Variants in NLGN1 observed in about 807,000 individuals in gnomAD.
NLGN1 encodes the protein neuroligin 1.
Under a neutral mutation model 65.5 loss-of-function variants are expected in NLGN1, and 12 were observed. The ratio of observed to expected loss-of-function variants is 0.18; its 90% confidence interval spans 0.12 to 0.30. The LOEUF (loss-of-function observed/expected upper bound fraction) is 0.30, where lower values mean the gene tolerates loss of function less well. Ranked by LOEUF, NLGN1 falls within the 10% of genes least tolerant of loss-of-function variation. The pLI is 1.00. For synonymous variants in NLGN1, 350 were observed against 359.5 expected (o/e 0.97, Z 0.30); for missense variants, 750 against 1,007.1 (o/e 0.74, Z 3.46).
rs529032263 is a variant in NLGN1 at position 173,420,589 on chromosome 3, T to C, written c.-389-14421T>C. On this transcript the variant is annotated intron_variant, in intron 1 of 6. Coordinates refer to ENST00000457714, the Ensembl canonical transcript of NLGN1. The stretch of plus-strand genomic sequence containing the variant: ...ATGATTTTATAATCCTCTGGGTATA[T>C]ACCCAGTAATGGGATGACTGGGTCA... Among the ~76,000 whole-genome samples, 6 of 152,300 alleles carry C rather than the reference T, an allele frequency of 3.9e-5. No individual in the cohort carries two copies. The East Asian group carries it at 9.7e-4, about 25-fold the overall frequency.
In NLGN1 at chr3:174,039,353, C is replaced by T. The variant is rs973240005; in HGVS notation, c.646+231521C>T. Reference sequence around the variant, plus strand: ...CATGTGTCATGGTGGTTTGCTGCACCTCTCAGTCCATCATCTAGGTTTTAA... The same window carrying T: ...CATGTGTCATGGTGGTTTGCTGCACTTCTCAGTCCATCATCTAGGTTTTAA... On this transcript the variant is annotated intron_variant, in intron 4 of 6. Transcript: ENST00000457714. Among the ~76,000 whole-genome samples the T allele has an allele frequency of 4.6e-5, 7 of 151,598 alleles. No individual in the cohort carries two copies. In the South Asian group the frequency reaches 1.3e-3, roughly 27 times the overall value.
At chr3:173,959,174 A>G (rs1308114178) in intron 4 of NLGN1, among the ~76,000 whole-genome samples, 1 of 152,150 alleles carries the variant, frequency 6.6e-6, no homozygotes, top group Non-Finnish European at 1.5e-5. Context: ...GAGCACAGGG[A>G]TGCCCGGGTC....
chr3:173,767,339 T>G (rs924676260), intron 3 of NLGN1, among the ~76,000 whole-genome samples: 3 of 152,080 alleles, frequency 2.0e-5, no homozygotes, highest in Non-Finnish European at 4.4e-5. Flanking sequence ...GTCTGACCTA[T>G]GTTAGGTAGA....
chr3:174,009,152 T>C (rs569844313), intron 4 of NLGN1, among the ~76,000 whole-genome samples: 1 of 152,256 alleles, frequency 6.6e-6, no homozygotes, highest in South Asian at 2.1e-4. Context: ...CCTCACATGG[T>C]TAAGAGAGAA....
rs375306674 is a variant in NLGN1, at chr3:173,970,301, GA to G, written c.646+162473del. ...ATATTTTGTGGTAAATGCAGTGAGA[GA>G]AAATGTACAGGGTGCGTTGTGAAAA... On this transcript the variant is annotated intron_variant, in intron 4 of 6. Coordinates refer to ENST00000457714, the Ensembl canonical transcript of NLGN1. Among the ~76,000 whole-genome samples, 107 of 152,264 alleles carry G rather than the reference GA, an allele frequency of 7.0e-4. 1 individual carries two copies. The East Asian group carries it at 0.018, about 25-fold the overall frequency.
chr3:174,016,721 A>G (rs1156495933), intron 4 of NLGN1, among the ~76,000 whole-genome samples: 1 of 152,158 alleles, frequency 6.6e-6, no homozygotes, highest in African/African-American at 2.4e-5. Context: ...TTCATTCTCT[A>G]TTTTTGTATT....
chr3:174,259,291 T>C (rs1353749194), intron 4 of NLGN1, among the ~76,000 whole-genome samples: 1 of 152,148 alleles, frequency 6.6e-6, no homozygotes, highest in African/African-American at 2.4e-5. Flanking sequence ...AGCATCCCTC[T>C]TTCCCACTCA....
At chr3:173,515,483 T>C (rs1733671110) in intron 2 of NLGN1, among the ~76,000 whole-genome samples, 1 of 152,184 alleles carries the variant, frequency 6.6e-6, no homozygotes, top group South Asian at 2.1e-4. Flanking sequence ...AGAAGATTTT[T>C]AGTTTGCTGT....
At chr3:174,231,112 A>C (rs1011858374) in intron 4 of NLGN1, among the ~76,000 whole-genome samples, 25 of 152,228 alleles carry the variant, frequency 1.6e-4, no homozygotes, top group African/African-American at 6.0e-4. Context: ...GGAGGTTAGA[A>C]GCAAGAGGGA....
At chr3:174,067,324 T>C (rs535876209) in intron 4 of NLGN1, among the ~76,000 whole-genome samples, 1 of 152,292 alleles carries the variant, frequency 6.6e-6, no homozygotes, top group African/African-American at 2.4e-5. Context: ...ATATTTTTGC[T>C]GATTATAAAA....
At chr3:173,961,243 C>A (rs1713485086) in intron 4 of NLGN1, among the ~76,000 whole-genome samples, 1 of 151,944 alleles carries the variant, frequency 6.6e-6, no homozygotes, top group African/African-American at 2.4e-5. Flanking sequence ...CTTTTTTCTC[C>A]TCTTAGACCT....
intron 4 of NLGN1, among the ~76,000 whole-genome samples, chr3:174,131,952 C>G (rs1388609707): frequency 1.3e-5 from 2 of 152,152 alleles, no homozygotes; most frequent in Non-Finnish European, 2.9e-5. Flanking sequence ...TACCATGTGT[C>G]TCATTTCATG....
intron 4 of NLGN1, among the ~76,000 whole-genome samples, chr3:173,924,755 C>G (rs1175574777): frequency 6.6e-6 from 1 of 151,916 alleles, no homozygotes; most frequent in Non-Finnish European, 1.5e-5. Flanking sequence ...TTATGAGAAG[C>G]CATTTAAGTG....
chr3:173,824,552 C>T (rs185171201), intron 4 of NLGN1, among the ~76,000 whole-genome samples: 2 of 152,140 alleles, frequency 1.3e-5, no homozygotes, highest in East Asian at 3.9e-4. Context: ...CCTCAGGGGA[C>T]CGCATGTGCT....
chr3:174,219,779 A>G (rs147188719), intron 4 of NLGN1, among the ~76,000 whole-genome samples: 12 of 152,274 alleles, frequency 7.9e-5, no homozygotes, highest in Non-Finnish European at 1.8e-4. Context: ...CACTAGTCAG[A>G]GCTGAAAGCA....
chr3:173,546,619 T>C (rs572482811), intron 2 of NLGN1, among the ~76,000 whole-genome samples: 2 of 152,342 alleles, frequency 1.3e-5, no homozygotes, highest in African/African-American at 4.8e-5. Context: ...TTTTCCAGGC[T>C]ATAGTTCTAA....
chr3:174,227,707 T>C (rs1739977870), intron 4 of NLGN1, among the ~76,000 whole-genome samples: 1 of 152,076 alleles, frequency 6.6e-6, no homozygotes, highest in South Asian at 2.1e-4. Flanking sequence ...AAATGTCTGG[T>C]GGCAAATGTG....
intron 3 of NLGN1, among the ~76,000 whole-genome samples, chr3:173,615,122 C>G (rs926460872): frequency 6.6e-6 from 1 of 151,572 alleles, no homozygotes; most frequent in South Asian, 2.1e-4. Context: ...GGGAAGAAAA[C>G]ATAAAACTTT....
At chr3:173,834,199 T>A (rs1230992155) in intron 4 of NLGN1, among the ~76,000 whole-genome samples, 1 of 152,160 alleles carries the variant, frequency 6.6e-6, no homozygotes, top group Non-Finnish European at 1.5e-5. Context: ...TTATATTCCA[T>A]TCTGTTCTAT....
Sources: gnomAD v4.1 joint callset for allele counts (sites outside exome capture counted in the v4.1 genomes callset) on GRCh38, gnomAD v4.1.1 for gene constraint, MANE v1.5 for transcripts, NCBI Gene and HGNC (gene_info 2026-07-23, HGNC 2026-07-21) for gene names.